The following PLXNA4 variants were observed in gnomAD, a reference collection of about 807,000 sequenced individuals.
PLXNA4 encodes plexin-A4.
Under a neutral mutation model 191.8 loss-of-function variants are expected in PLXNA4, and 44 were observed. The observed-to-expected ratio is 0.23, with a 90% CI of 0.18 to 0.29. PLXNA4 has a LOEUF of 0.29. Among genes scored for constraint, PLXNA4 ranks in the 10% least tolerant of loss-of-function variants. The pLI, the probability that PLXNA4 is intolerant of heterozygous loss-of-function variation, is 1.00. For missense variants in PLXNA4, 1,800 were observed against 2,488.8 expected (o/e 0.72, Z 5.89); for synonymous variants, 1,082 against 1,009.5 (o/e 1.07, Z -1.36).
intron 3 of PLXNA4, 119 bp downstream of exon 3, chr7:132,489,173 G>A: frequency 9.4e-7 from 1 of 1,062,232 alleles, no homozygotes; most frequent in South Asian, 1.8e-5. Flanking sequence ...TATCTCCTTA[G>A]CTCAAATCTG....
intron 3 of PLXNA4, among the ~76,000 whole-genome samples, chr7:132,339,393 C>A (rs1366717852): frequency 6.6e-6 from 1 of 152,204 alleles, no homozygotes; most frequent in Non-Finnish European, 1.5e-5. Flanking sequence ...GGAAATAAAT[C>A]TTGCAACTTA....
Position 132,234,768 on chromosome 7 carries a change from T to C in PLXNA4, c.1604+6298A>G, listed in dbSNP as rs117850397. Among the ~76,000 whole-genome samples, 17 of 152,224 alleles carry C rather than the reference T, an allele frequency of 1.1e-4. No homozygotes were observed. The East Asian group carries it at 3.3e-3, about 29-fold the overall frequency. On this transcript the variant is annotated intron_variant, in intron 5 of 31. Coordinates refer to ENST00000321063, the MANE Select transcript of PLXNA4 (RefSeq NM_020911.2). ...TCTGATCTAGTCTGGGACTCATTTC[T>C]TTGGAACAGAGGCTGATAGCTTTTT... is the stretch of plus-strand genomic sequence containing the variant.
intron 4 of PLXNA4, among the ~76,000 whole-genome samples, chr7:132,266,769 C>T (rs190414655): frequency 1.3e-5 from 2 of 152,334 alleles, no homozygotes; most frequent in South Asian, 4.1e-4. Context: ...TACTTTCCAT[C>T]CAAGGGTGCC....
intron 3 of PLXNA4, among the ~76,000 whole-genome samples, chr7:132,363,008 G>A (rs568701110): frequency 3.3e-5 from 5 of 152,074 alleles, no homozygotes; most frequent in South Asian, 4.1e-4. Context: ...TTTTTGAAAC[G>A]GAGTCTCACT....
intron 4 of PLXNA4, among the ~76,000 whole-genome samples, chr7:132,270,042 C>T (rs1039797826): frequency 1.3e-5 from 2 of 152,172 alleles, no homozygotes; most frequent in African/African-American, 4.8e-5. Flanking sequence ...TTTCTAAGAA[C>T]TAAACTCATC....
intron 14 of PLXNA4, among the ~76,000 whole-genome samples, chr7:132,190,217 C>A: frequency 6.6e-6 from 1 of 152,222 alleles, no homozygotes; most frequent in Non-Finnish European, 1.5e-5. Flanking sequence ...TATACAAATT[C>A]CATCTTTGCC....
At chr7:132,385,375 T>C (rs1427257540) in intron 3 of PLXNA4, 2 of 1,486,808 alleles carry the variant, frequency 1.3e-6, no homozygotes, top group Non-Finnish European at 1.8e-6. Flanking sequence ...CCCTCCTCCT[T>C]TCTGTTTACA....
intron 3 of PLXNA4, chr7:132,385,151 A>G (rs1200217213): frequency 6.2e-7 from 1 of 1,612,188 alleles, no homozygotes; most frequent in Non-Finnish European, 8.5e-7. Context: ...AAGGCTGACA[A>G]CACACTAAAT....
At chr7:132,507,389 A>C in intron 2 of PLXNA4, 117 bp downstream of exon 2, 210 of 1,046,148 alleles carry the variant, frequency 2.0e-4, no homozygotes, top group Non-Finnish European at 2.6e-4. Flanking sequence ...ATGGGATGGG[A>C]TATACTCACT....
intron 3 of PLXNA4, among the ~76,000 whole-genome samples, chr7:132,310,837 A>G (rs1159385970): frequency 6.6e-6 from 1 of 151,952 alleles, no homozygotes; most frequent in East Asian, 1.9e-4. Flanking sequence ...CTGCCATCCA[A>G]GGACAGCTGT....
rs373003065 is a variant in PLXNA4 at position 132,254,351 on chromosome 7, T to C, written c.1504-13185A>G. On this transcript the variant is annotated intron_variant, in intron 4 of 31. Coordinates refer to ENST00000321063, the MANE Select transcript of PLXNA4 (RefSeq NM_020911.2). Reference sequence around the variant, plus strand: ...AAACCACTAGAGTTTACTGTGGCCATTTCTATCTATCATTAACATAAACAA... The same window carrying C: ...AAACCACTAGAGTTTACTGTGGCCACTTCTATCTATCATTAACATAAACAA... Among the ~76,000 whole-genome samples the C allele has an allele frequency of 6.5e-4, 99 of 152,340 alleles. No homozygotes were observed. The South Asian group carries it at 0.019, about 30-fold the overall frequency.
At chr7:132,420,173 G>A (rs1263290414) in intron 3 of PLXNA4, among the ~76,000 whole-genome samples, 1 of 152,204 alleles carries the variant, frequency 6.6e-6, no homozygotes, top group South Asian at 2.1e-4. Flanking sequence ...CATTGCTCCT[G>A]TGCCTCTGTA....
chr7:132,540,459 A>C (rs1232858900), intron 1 of PLXNA4, among the ~76,000 whole-genome samples: 1 of 151,892 alleles, frequency 6.6e-6, no homozygotes, highest in Admixed American at 6.6e-5. Flanking sequence ...CCGTGGGCCC[A>C]GGCAAACATT....
intron 2 of PLXNA4, among the ~76,000 whole-genome samples, chr7:132,616,958 A>G (rs950481890): frequency 1.3e-5 from 2 of 152,278 alleles, no homozygotes; most frequent in Non-Finnish European, 2.9e-5. Flanking sequence ...TCTGATTCGG[A>G]GCATCAAGAA....
chr7:132,284,257 A>T (rs1800597836), intron 4 of PLXNA4, among the ~76,000 whole-genome samples: 1 of 152,054 alleles, frequency 6.6e-6, no homozygotes, highest in South Asian at 2.1e-4. Context: ...CTTTTGTTTT[A>T]AAAAAAAGTC....
Position 132,198,561 on chromosome 7 carries a change from G to T in PLXNA4, c.2662C>A (p.Arg888Ser). The change falls in exon 13 of 32, where the codon CGC (arginine) becomes AGC (serine). Residue 888 changes from arginine (R) to serine (S), a missense_variant. Arg to Ser is a moderately radical substitution (Grantham distance 110). Transcript: ENST00000321063. ...ACCTTGACATGGGAGGCGATGTCGC[G>T]AAATTCCAGGCCCAGGTTCTCCCCT... ...IRGENLGLEF[R>S]DIASHVKVAG... 1.2e-6 allele frequency: 2 copies of T among 1,614,254 alleles called. No individual in the cohort carries two copies. Among genetic ancestry groups the T allele is most frequent in the Non-Finnish European group, 1.7e-6 (2 of 1,180,048 alleles).
At chr7:132,561,106 G>C (rs193182376) in intron 1 of PLXNA4, among the ~76,000 whole-genome samples, 67 of 152,072 alleles carry the variant, frequency 4.4e-4, no homozygotes, top group African/African-American at 1.5e-3. Flanking sequence ...AGCCTCTGCC[G>C]TGTTGCCCCT....
At chr7:132,553,748 T>C (rs1366259001) in intron 1 of PLXNA4, among the ~76,000 whole-genome samples, 1 of 151,736 alleles carries the variant, frequency 6.6e-6, no homozygotes, top group East Asian at 1.9e-4. Flanking sequence ...CAGAAGAGAG[T>C]GGAGAGGGTG....
At chr7:132,507,479 C>G in intron 2 of PLXNA4, 27 bp downstream of exon 2, 1 of 1,578,276 alleles carries the variant, frequency 6.3e-7, no homozygotes, top group Non-Finnish European at 8.6e-7. Flanking sequence ...CCCAACCATC[C>G]CAGCGCGCAG....
Sources: allele counts gnomAD v4.1 joint callset (sites outside exome capture counted in the v4.1 genomes callset), GRCh38; gene constraint gnomAD v4.1.1; transcripts MANE v1.5; gene names NCBI Gene and HGNC (gene_info 2026-07-23, HGNC 2026-07-21).